Variants in PTPRG observed in about 807,000 individuals in gnomAD.
PTPRG encodes the protein receptor-type tyrosine-protein phosphatase gamma.
Under a neutral mutation model 165.3 loss-of-function variants are expected in PTPRG, and 102 were observed. The ratio of observed to expected loss-of-function variants is 0.62; its 90% CI spans 0.53 to 0.73. PTPRG has a LOEUF of 0.73. Ranked by LOEUF, PTPRG falls within the 30% of genes least tolerant of loss-of-function variation. The pLI is 0.00. For missense variants in PTPRG, 1,866 were observed against 1,861.4 expected (o/e 1.00, Z -0.05); for synonymous variants, 675 against 669.5 (o/e 1.01, Z -0.13).
At position 61,818,836 on chromosome 3, in the gene PTPRG, GA is replaced by G. The variant is rs376647148; in HGVS notation, c.190+69857del. 1.7e-3 allele frequency among the ~76,000 whole-genome samples: 152 copies of G among 88,254 alleles called. 2 individuals are homozygous for G. The highest frequency in any genetic ancestry group is 8.5e-3 in the African/African-American group (144 of 17,010). The allele number at this position is 88,254 out of a possible 152,430, so 57.9% of individuals were successfully genotyped here. The stretch of plus-strand genomic sequence containing the variant: ...TAGGGGCCCTTTAAAGTGAAATAGT[GA>G]AATAGTGAATAGTGAAATAGTGAAT... On this transcript the variant is annotated intron_variant, in intron 2 of 29. Transcript: ENST00000474889.
chr3:61,658,404 C>T (rs763241612), intron 1 of PTPRG, among the ~76,000 whole-genome samples: 5 of 152,086 alleles, frequency 3.3e-5, no homozygotes, highest in Non-Finnish European at 5.9e-5. Context: ...CCTGGTTGGT[C>T]CCATAGCCAG....
intron 2 of PTPRG, among the ~76,000 whole-genome samples, chr3:61,891,146 C>T (rs1346902118): frequency 6.6e-6 from 1 of 151,960 alleles, no homozygotes; most frequent in African/African-American, 2.4e-5. Flanking sequence ...AGCAAAACCC[C>T]ATCTCTACTA....
intron 2 of PTPRG, among the ~76,000 whole-genome samples, chr3:61,942,531 G>A (rs2039656369): frequency 6.6e-6 from 1 of 152,198 alleles, no homozygotes; most frequent in Admixed American, 6.5e-5. Context: ...TGAGACCTGT[G>A]TTAGGCACAT....
chr3:61,753,753 TCCC>T, intron 2 of PTPRG: 1 of 345,104 alleles, frequency 2.9e-6, no homozygotes. Context: ...ACAATCACAC[TCCC>T]AGCTAATTTG....
chr3:61,794,116 C>T (rs923413116), intron 2 of PTPRG, among the ~76,000 whole-genome samples: 1 of 152,058 alleles, frequency 6.6e-6, no homozygotes, highest in East Asian at 1.9e-4. Flanking sequence ...CACAGAAGGC[C>T]ATTTTGCATG....
chr3:61,888,863 A>G (rs1232286775), intron 2 of PTPRG, among the ~76,000 whole-genome samples: 2 of 152,196 alleles, frequency 1.3e-5, no homozygotes, highest in Non-Finnish European at 2.9e-5. Flanking sequence ...TTTGAATCTT[A>G]TGAAATTGAC....
intron 4 of PTPRG, among the ~76,000 whole-genome samples, chr3:62,046,917 C>T (rs1700310968): frequency 6.6e-6 from 1 of 152,138 alleles, no homozygotes; most frequent in African/African-American, 2.4e-5. Flanking sequence ...AGACTGTGCA[C>T]TGAGCTAATT....
intron 1 of PTPRG, among the ~76,000 whole-genome samples, chr3:61,677,691 C>G (rs1333585600): frequency 1.3e-5 from 2 of 152,120 alleles, no homozygotes; most frequent in Non-Finnish European, 2.9e-5. Flanking sequence ...ATTTTCTGTT[C>G]TTACTTTGAT....
intron 4 of PTPRG, among the ~76,000 whole-genome samples, chr3:62,012,674 G>T (rs1195388576): frequency 2.6e-5 from 4 of 152,220 alleles, no homozygotes; most frequent in African/African-American, 9.6e-5. Flanking sequence ...GTGAGGTCAG[G>T]TGTGGAATTT....
intron 1 of PTPRG, among the ~76,000 whole-genome samples, chr3:61,583,598 T>A (rs1326033811): frequency 6.6e-6 from 1 of 152,214 alleles, no homozygotes; most frequent in Non-Finnish European, 1.5e-5. Flanking sequence ...GGTATTGATC[T>A]CCTCTCCTCT....
intron 1 of PTPRG, among the ~76,000 whole-genome samples, chr3:61,653,662 C>T (rs1051199590): frequency 2.0e-5 from 3 of 152,074 alleles, no homozygotes; most frequent in Admixed American, 1.3e-4. Flanking sequence ...TAGGATTCGT[C>T]GTGCCCTGCC....
At chr3:62,041,338 G>A (rs1283103103) in intron 4 of PTPRG, among the ~76,000 whole-genome samples, 1 of 152,096 alleles carries the variant, frequency 6.6e-6, no homozygotes, top group Non-Finnish European at 1.5e-5. Context: ...TTCTTACCTC[G>A]TAGTACTTGA....
intron 4 of PTPRG, among the ~76,000 whole-genome samples, chr3:62,029,990 T>G (rs999614537): frequency 6.6e-6 from 1 of 152,228 alleles, no homozygotes; most frequent in Non-Finnish European, 1.5e-5. Flanking sequence ...ATGATTATCT[T>G]TACATTCTGT....
intron 1 of PTPRG, among the ~76,000 whole-genome samples, chr3:61,650,939 T>C (rs970636658): frequency 1.1e-4 from 17 of 152,350 alleles, no homozygotes; most frequent in Admixed American, 7.8e-4. Flanking sequence ...ATGTGAACAA[T>C]GATTCAGCAA....
intron 6 of PTPRG, among the ~76,000 whole-genome samples, chr3:62,147,931 G>A (rs532482340): frequency 2.5e-4 from 38 of 152,094 alleles, no homozygotes; most frequent in African/African-American, 8.7e-4. Flanking sequence ...TGAGCCAGGC[G>A]GCAGGAGTTC....
At chr3:61,973,833 AAAAT>A (rs147291562) in intron 2 of PTPRG, among the ~76,000 whole-genome samples, 63,186 of 150,066 alleles carry the variant, frequency 0.42, 13,707 homozygotes, top group African/African-American at 0.54. Context: ...ACTCCATTTC[AAAAT>A]AAATAAATAA....
At chr3:62,085,888 G>A (rs2661888) in intron 5 of PTPRG, among the ~76,000 whole-genome samples, 49,860 of 152,120 alleles carry the variant, frequency 0.33, 10,301 homozygotes, top group African/African-American at 0.59. Flanking sequence ...CCTCAAAGTA[G>A]TTGAGGGACA....
At chr3:62,284,393 G>C (rs1702560869) in intron 28 of PTPRG, among the ~76,000 whole-genome samples, 1 of 151,824 alleles carries the variant, frequency 6.6e-6, no homozygotes, top group Non-Finnish European at 1.5e-5. Flanking sequence ...CTCATTCTTA[G>C]GCCTGTATAC....
intron 1 of PTPRG, among the ~76,000 whole-genome samples, chr3:61,671,138 CT>C (rs11356444): frequency 0.68 from 84,532 of 124,938 alleles, 29,448 homozygotes; most frequent in East Asian, 0.87. Flanking sequence ...TATGAACTTT[CT>C]TTTTTTTTTT....
Sources: gnomAD v4.1 joint callset for allele counts (sites outside exome capture counted in the v4.1 genomes callset) on GRCh38, gnomAD v4.1.1 for gene constraint, MANE v1.5 for transcripts, NCBI Gene and HGNC (gene_info 2026-07-23, HGNC 2026-07-21) for gene names.